Variants in BRD10 observed in about 807,000 individuals in gnomAD.
BRD10 encodes uncharacterized bromodomain-containing protein 10.
the BRD10 span, among the ~76,000 whole-genome samples, chr9:5,904,229 T>A: frequency 6.6e-6 from 1 of 152,230 alleles, no homozygotes; most frequent in Non-Finnish European, 1.5e-5. Context: ...AGAGAACACA[T>A]AGTTGGGTCT....
the BRD10 span, among the ~76,000 whole-genome samples, chr9:5,949,423 AT>A: frequency 3.3e-5 from 5 of 152,192 alleles, no homozygotes; most frequent in Admixed American, 6.5e-5. Flanking sequence ...TTTGGTTTCA[AT>A]TTGTTATGTT....
At chr9:5,992,059 C>G in the BRD10 span, among the ~76,000 whole-genome samples, 1 of 152,226 alleles carries the variant, frequency 6.6e-6, no homozygotes, top group Non-Finnish European at 1.5e-5. Context: ...AATGCCACAA[C>G]ATCTGAAAGA....
the BRD10 span, among the ~76,000 whole-genome samples, chr9:5,965,462 T>C: frequency 3.3e-5 from 5 of 152,340 alleles, no homozygotes; most frequent in South Asian, 1.0e-3. Context: ...ATATAATTTA[T>C]ATGGTAAGAA....
At chr9:5,922,518 C>G in the BRD10 span, 5 of 1,613,974 alleles carry the variant, frequency 3.1e-6, no homozygotes, top group South Asian at 5.5e-5. Context: ...TGGGTAGAAA[C>G]AGTTCCTGGT....
At chr9:6,001,505 C>T in the BRD10 span, among the ~76,000 whole-genome samples, 5 of 152,288 alleles carry the variant, frequency 3.3e-5, no homozygotes, top group African/African-American at 1.2e-4. Context: ...TACTCTCCTG[C>T]CTCCGTACTT....
At chr9:5,929,869 T>G in the BRD10 span, among the ~76,000 whole-genome samples, 5 of 152,148 alleles carry the variant, frequency 3.3e-5, no homozygotes, top group Non-Finnish European at 5.9e-5. Context: ...ATTAAATGAC[T>G]TGCTTAAGGT....
chr9:6,006,314 G>C, the BRD10 span, among the ~76,000 whole-genome samples: 1 of 152,184 alleles, frequency 6.6e-6, no homozygotes. Context: ...TAAGTGACTT[G>C]CTCAACTTAA....
chr9:5,985,616 T>A, the BRD10 span, among the ~76,000 whole-genome samples: 6 of 151,994 alleles, frequency 3.9e-5, no homozygotes, highest in African/African-American at 1.4e-4. Flanking sequence ...AGAAACCCCA[T>A]CTCTACTGAA....
At chr9:5,949,673 G>C in the BRD10 span, among the ~76,000 whole-genome samples, 90 of 152,204 alleles carry the variant, frequency 5.9e-4, 2 homozygotes, top group African/African-American at 2.0e-3. Context: ...TTGTTGAAAA[G>C]CAGACTTAGG....
chr9:5,992,084 T>C, the BRD10 span, among the ~76,000 whole-genome samples: 1 of 152,236 alleles, frequency 6.6e-6, no homozygotes, highest in Non-Finnish European at 1.5e-5. Flanking sequence ...CCCTAACTTA[T>C]TTAATAAACG....
At chr9:5,880,861 C>T in the BRD10 span, among the ~76,000 whole-genome samples, 3 of 152,076 alleles carry the variant, frequency 2.0e-5, no homozygotes, top group African/African-American at 7.2e-5. Flanking sequence ...TGCGCCACCA[C>T]GCCCAGCTAA....
chr9:5,933,944 A>G, the BRD10 span: 2 of 443,986 alleles, frequency 4.5e-6, no homozygotes, highest in Admixed American at 2.4e-5. Context: ...AACAACAAAT[A>G]TATTTTGCAC....
At chr9:5,882,054 C>T in the BRD10 span, among the ~76,000 whole-genome samples, 1 of 152,186 alleles carries the variant, frequency 6.6e-6, no homozygotes, top group Non-Finnish European at 1.5e-5. Flanking sequence ...CCATAGTCTC[C>T]TGCAGGATTT....
the BRD10 span, chr9:5,921,959 G>T: frequency 6.2e-7 from 1 of 1,613,940 alleles, no homozygotes; most frequent in Admixed American, 1.7e-5. Context: ...GCTAAAAGGT[G>T]AAAGACTAGA....
chr9:5,945,242 CATT>C, the BRD10 span, among the ~76,000 whole-genome samples: 5 of 152,066 alleles, frequency 3.3e-5, no homozygotes, highest in African/African-American at 9.7e-5. Context: ...TTCTTAACAT[CATT>C]AACTTTCAGC....
At chr9:5,951,035 TAC>T in the BRD10 span, among the ~76,000 whole-genome samples, 22,725 of 141,350 alleles carry the variant, frequency 0.16, 2,084 homozygotes, top group East Asian at 0.32. Flanking sequence ...GGGCTGACTG[TAC>T]ACACACACAC....
chr9:5,887,559 G>A, the BRD10 span, among the ~76,000 whole-genome samples: 1 of 152,188 alleles, frequency 6.6e-6, no homozygotes, highest in African/African-American at 2.4e-5. Context: ...ATAGAACCCA[G>A]CTCAGTGCAA....
the BRD10 span, among the ~76,000 whole-genome samples, chr9:5,932,794 C>T: frequency 6.6e-6 from 1 of 152,012 alleles, no homozygotes; most frequent in Non-Finnish European, 1.5e-5. Context: ...TTTCTTGGAC[C>T]CCACAAAGAC....
the BRD10 span, chr9:5,897,698 C>T: frequency 6.7e-7 from 1 of 1,499,702 alleles, no homozygotes; most frequent in Admixed American, 1.7e-5. Flanking sequence ...GTCCAGGGCC[C>T]TCTTTCCAGT....
Sources: allele counts gnomAD v4.1 joint callset (sites outside exome capture counted in the v4.1 genomes callset), GRCh38; gene constraint gnomAD v4.1.1; transcripts MANE v1.5; gene names NCBI Gene and HGNC (gene_info 2026-07-23, HGNC 2026-07-21).